HMCN1: variants seen among roughly 807,000 people sequenced by gnomAD.
HMCN1 encodes hemicentin-1.
A neutral mutation model predicts 625.9 loss-of-function variants in HMCN1; 321 were observed. The ratio of observed to expected loss-of-function variants is 0.51; its 90% confidence interval spans 0.47 to 0.56. The LOEUF is 0.56. HMCN1 is among the 20% of genes least tolerant of loss of function. The pLI, the probability that HMCN1 is intolerant of heterozygous loss-of-function variation, is 0.00. For synonymous variants in HMCN1, 2,425 were observed against 2,417.6 expected, an observed-to-expected ratio of 1.00 and a Z score of -0.09; for missense variants, 6,588 against 6,887.3, an observed-to-expected ratio of 0.96 and a Z score of 1.54.
Position 186,084,794 on chromosome 1 carries a change from C to T in HMCN1, c.8885-1452C>T, listed in dbSNP as rs565962795. 7.9e-5 allele frequency among the ~76,000 whole-genome samples: 12 copies of T among 152,142 alleles called. No homozygotes were observed. In the East Asian group the frequency reaches 1.2e-3, roughly 15 times the overall value. On this transcript the variant is annotated intron_variant, in intron 57 of 106. Coordinates refer to ENST00000271588, the MANE Select transcript of HMCN1 (RefSeq NM_031935.3). ...CTGACTGCTTGAAACCTACCAGGTG[C>T]TGTGCCAAATGTTTTATATAGGTTA...
chr1:185,907,835 C>T (rs1299892747), intron 4 of HMCN1, among the ~76,000 whole-genome samples: 4 of 151,652 alleles, frequency 2.6e-5, no homozygotes, highest in Non-Finnish European at 4.4e-5. Flanking sequence ...GGGCATTTTA[C>T]ATACATTTTT....
At chr1:186,031,853 A>G (rs1655460732) in intron 36 of HMCN1, among the ~76,000 whole-genome samples, 1 of 151,938 alleles carries the variant, frequency 6.6e-6, no homozygotes, top group Admixed American at 6.6e-5. Context: ...CTGTCTCTTG[A>G]TTAACATCTA....
At chr1:185,940,399 C>A (rs1344999833) in intron 11 of HMCN1, among the ~76,000 whole-genome samples, 1 of 152,076 alleles carries the variant, frequency 6.6e-6, no homozygotes, top group Admixed American at 6.6e-5. Flanking sequence ...GTTTTCTTCT[C>A]CCATGAATAA....
intron 35 of HMCN1, among the ~76,000 whole-genome samples, chr1:186,021,518 A>G (rs989598342): frequency 6.6e-6 from 1 of 152,090 alleles, no homozygotes; most frequent in African/African-American, 2.4e-5. Flanking sequence ...AAGATGAAAA[A>G]GAAGAGAGGA....
At chr1:185,782,253 A>G (rs1657178188) in intron 1 of HMCN1, among the ~76,000 whole-genome samples, 1 of 152,040 alleles carries the variant, frequency 6.6e-6, no homozygotes, top group East Asian at 1.9e-4. Flanking sequence ...TGCACGTGAG[A>G]TGGGTCTCCT....
At chr1:185,945,168 A>G (rs1013116331) in intron 11 of HMCN1, among the ~76,000 whole-genome samples, 1 of 152,228 alleles carries the variant, frequency 6.6e-6, no homozygotes, top group Non-Finnish European at 1.5e-5. Context: ...GCATCTGAAG[A>G]AAGGTGTGAT....
intron 69 of HMCN1, 93 bp from the exon 70 acceptor site, chr1:186,106,791 G>C: frequency 1.1e-6 from 1 of 902,366 alleles, no homozygotes; most frequent in Non-Finnish European, 1.9e-6. Context: ...TGCTTTTGGT[G>C]TGGGGTTATT....
rs192226370 is a variant in HMCN1 at position 186,055,264 on chromosome 1, G to A, written c.6863-129G>A. 1,099 of 852,466 alleles carry A rather than the reference G, an allele frequency of 1.3e-3. 12 individuals are homozygous for A. The highest frequency in any genetic ancestry group is 3.3e-4 in the Non-Finnish European group (177 of 533,574). The allele number at this position is 852,466 out of a possible 1,614,324, so 52.8% of individuals were successfully genotyped here. A position where few individuals can be genotyped will look rare whatever the true frequency, so the allele number is the denominator to read the frequency against. ...GCATAACATCATGTCTGTTAGTCCTGGGTCTTTTCTTTAGTTATTTATATT... is the reference window on the plus strand; with the variant it reads ...GCATAACATCATGTCTGTTAGTCCTAGGTCTTTTCTTTAGTTATTTATATT... On this transcript the variant is annotated intron_variant, in intron 44 of 106. Coordinates refer to ENST00000271588, the MANE Select transcript of HMCN1 (RefSeq NM_031935.3).
chr1:186,084,724 CAT>C (rs1045919226), intron 57 of HMCN1, among the ~76,000 whole-genome samples: 1 of 151,950 alleles, frequency 6.6e-6, no homozygotes, highest in African/African-American at 2.4e-5. Flanking sequence ...CAACATATAA[CAT>C]ATGTTATATG....
At position 185,915,443 on chromosome 1, in the gene HMCN1, C is replaced by G. The variant is rs11804113; in HGVS notation, c.900+3663C>G. ...AAAGACATTAAATAATTGTCAGCACCCAATGGGTTTAGGTGGTACAAATGT... is the reference window on the plus strand; with the variant it reads ...AAAGACATTAAATAATTGTCAGCACGCAATGGGTTTAGGTGGTACAAATGT... On this transcript the variant is annotated intron_variant, in intron 6 of 106. Coordinates refer to ENST00000271588, the MANE Select transcript of HMCN1 (RefSeq NM_031935.3). Among the ~76,000 whole-genome samples, 549 of 151,992 alleles carry G rather than the reference C, an allele frequency of 3.6e-3. 3 individuals are homozygous for G. The highest frequency in any genetic ancestry group is 0.013 in the African/African-American group (529 of 41,508).
intron 1 of HMCN1, among the ~76,000 whole-genome samples, chr1:185,768,531 G>A (rs1409330537): frequency 6.6e-6 from 1 of 152,194 alleles, no homozygotes; most frequent in African/African-American, 2.4e-5. Context: ...TCTGCCACGT[G>A]AATGAATGAG....
intron 11 of HMCN1, among the ~76,000 whole-genome samples, chr1:185,950,265 C>T (rs1253281341): frequency 0.017 from 2,523 of 149,652 alleles, 77 homozygotes; most frequent in African/African-American, 0.059. Flanking sequence ...AAAGTATATG[C>T]GTCAGGTATG....
rs1321223581 is a variant in HMCN1, at chr1:186,093,527, C to G, written c.10054C>G (p.Leu3352Val). The G allele has an allele frequency of 6.2e-7, 1 of 1,613,422 alleles. No individual in the cohort carries two copies. Among genetic ancestry groups the G allele is most frequent in the South Asian group, 1.1e-5 (1 of 91,068 alleles). Reference protein sequence around the residue: ...IRGNKDEAEKLMTLVDTSINI... With the variant: ...IRGNKDEAEKVMTLVDTSINI... The stretch of plus-strand genomic sequence containing the variant: ...GGGTAATAAAGATGAAGCAGAGAAA[C>G]TAATGACTTTAGTGGATACTTCAAT... Residue 3352 changes from leucine (L) to valine (V), a missense_variant, in exon 66 of 107, where the codon CTA (leucine) becomes GTA (valine). Coordinates refer to ENST00000271588, the MANE Select transcript of HMCN1 (RefSeq NM_031935.3).
At chr1:185,900,909 A>G (rs534910709) in intron 4 of HMCN1, among the ~76,000 whole-genome samples, 1 of 152,036 alleles carries the variant, frequency 6.6e-6, no homozygotes, top group East Asian at 1.9e-4. Context: ...TCTAAAGAGT[A>G]TGTCAATCAA....
At chr1:186,053,115 A>G (rs1232302800) in intron 43 of HMCN1, 41 bp downstream of exon 43, 1 of 1,524,372 alleles carries the variant, frequency 6.6e-7, no homozygotes, top group Admixed American at 1.7e-5. Flanking sequence ...TAAAGAAAAT[A>G]TAAGATGGAT....
chr1:186,130,830 T>TA, intron 85 of HMCN1, 133 bp downstream of exon 85: 1 of 860,272 alleles, frequency 1.2e-6, no homozygotes, highest in Non-Finnish European at 1.9e-6. Flanking sequence ...TAACTCCTTT[T>TA]AAAAAACTGA....
chr1:185,890,521 C>T (rs1322578180), intron 4 of HMCN1, among the ~76,000 whole-genome samples: 29 of 144,966 alleles, frequency 2.0e-4, no homozygotes, highest in Admixed American at 4.0e-4. Flanking sequence ...TCTTTGTTCT[C>T]GTTGGTTTCA....
intron 81 of HMCN1, among the ~76,000 whole-genome samples, chr1:186,123,727 C>A (rs1661509591): frequency 6.6e-6 from 1 of 152,006 alleles, no homozygotes; most frequent in African/African-American, 2.4e-5. Flanking sequence ...GAAAAATCAG[C>A]ATTGAAATAT....
chr1:185,968,710 A>G (rs1283061764), intron 14 of HMCN1, among the ~76,000 whole-genome samples: 2 of 152,022 alleles, frequency 1.3e-5, no homozygotes, highest in Non-Finnish European at 2.9e-5. Flanking sequence ...ACTCTCCTCA[A>G]TGGTAATGAC....
Sources: gnomAD v4.1 joint callset for allele counts (sites outside exome capture counted in the v4.1 genomes callset) on GRCh38, gnomAD v4.1.1 for gene constraint, MANE v1.5 for transcripts, NCBI Gene and HGNC (gene_info 2026-07-23, HGNC 2026-07-21) for gene names.